SNCAIP: variants seen among roughly 807,000 people sequenced by gnomAD.
SNCAIP encodes the protein synphilin-1.
A neutral mutation model predicts 86.7 loss-of-function variants in SNCAIP; 43 were observed. The ratio of observed to expected loss-of-function variants is 0.50; its 90% CI spans 0.39 to 0.64. The LOEUF is 0.64. Ranked by LOEUF, SNCAIP falls within the 30% of genes least tolerant of loss-of-function variation. The pLI is 0.00. For synonymous variants in SNCAIP, 417 were observed against 427.2 expected (o/e 0.98, Z 0.29); for missense variants, 981 against 1,103.1 (o/e 0.89, Z 1.57).
chr5:122,362,312 C>G (rs1382516097), intron 1 of SNCAIP, among the ~76,000 whole-genome samples: 1 of 152,128 alleles, frequency 6.6e-6, no homozygotes, highest in Non-Finnish European at 1.5e-5. Flanking sequence ...TTTCATAAGA[C>G]TGTGAGATGA....
At chr5:122,462,592 T>C (rs979734) in intron 10 of SNCAIP, among the ~76,000 whole-genome samples, 16,470 of 152,256 alleles carry the variant, frequency 0.11, 1,052 homozygotes, top group Non-Finnish European at 0.14. Flanking sequence ...CAGATGATGA[T>C]GATGATGATC....
Position 122,431,789 on chromosome 5 carries a change from G to A in SNCAIP, c.1183-180G>A, listed in dbSNP as rs191239445. Among the ~76,000 whole-genome samples the A allele has an allele frequency of 2.8e-3, 431 of 151,968 alleles. 1 individual carries two copies. The highest frequency in any genetic ancestry group is 9.7e-3 in the African/African-American group (400 of 41,446). The stretch of plus-strand genomic sequence containing the variant: ...AAATAAAAATTCTGCAATTGATTTC[G>A]AGCCAAATCCACAGATCAGGAATAT... On this transcript the variant is annotated intron_variant, in intron 5 of 10. Transcript: ENST00000261368.
rs772667029 is a variant in SNCAIP, at chr5:122,451,128, T to A, written c.2281T>A (p.Ser761Thr). 3.1e-5 allele frequency: 50 copies of A among 1,613,944 alleles called. No homozygotes were observed. Among genetic ancestry groups the A allele is most frequent in the Non-Finnish European group, 3.9e-5 (46 of 1,180,008 alleles). The change falls in exon 10 of 11, where the codon TCC becomes ACC. Residue 761 changes from serine to threonine, a missense_variant. Coordinates refer to ENST00000261368, the MANE Select transcript of SNCAIP (RefSeq NM_005460.4). ...TSESSEPDLE[S>T]QYPGSGSIPP... ...AGAGAGCAGCGAACCAGACTTAGAA[T>A]CCCAGTATCCAGGCTCAGGGAGTAT...
chr5:122,457,551 A>G (rs190448617), intron 10 of SNCAIP, among the ~76,000 whole-genome samples: 25 of 151,760 alleles, frequency 1.6e-4, no homozygotes, highest in Admixed American at 1.5e-3. Flanking sequence ...CTCCCCACCA[A>G]TGCTTCCCCA....
chr5:122,422,619 G>A (rs1391371957), intron 3 of SNCAIP, among the ~76,000 whole-genome samples: 3 of 152,084 alleles, frequency 2.0e-5, no homozygotes, highest in Non-Finnish European at 2.9e-5. Flanking sequence ...TGCTTCCTTA[G>A]CCATTTACCT....
chr5:122,457,509 C>G (rs1465574332), intron 10 of SNCAIP, among the ~76,000 whole-genome samples: 1 of 152,128 alleles, frequency 6.6e-6, no homozygotes, highest in Non-Finnish European at 1.5e-5. Flanking sequence ...TCTGTGCTCT[C>G]CCACAGTGTA....
intron 3 of SNCAIP, among the ~76,000 whole-genome samples, chr5:122,412,360 G>A (rs749910443): frequency 2.6e-5 from 4 of 152,182 alleles, no homozygotes; most frequent in African/African-American, 7.2e-5. Flanking sequence ...GGAAGGTCAC[G>A]GCTTCCATGC....
At chr5:122,359,864 A>C (rs10428632) in intron 1 of SNCAIP, among the ~76,000 whole-genome samples, 1 of 152,112 alleles carries the variant, frequency 6.6e-6, no homozygotes, top group Non-Finnish European at 1.5e-5. Context: ...CGAATGATAG[A>C]CAGCTAATGA....
chr5:122,423,274 C>T lies in SNCAIP; in HGVS notation c.537C>T (p.Gly179=), dbSNP rs1360409486. The part of the protein sequence containing the change: ...TKVTSEKRIL[G]LCTTINGLSG... Reference sequence around the variant, plus strand: ...TGACTTCAGAAAAAAGAATTTTGGGCTTATGCACAACCATCAATGGCCTTT... The same window carrying T: ...TGACTTCAGAAAAAAGAATTTTGGGTTTATGCACAACCATCAATGGCCTTT... The change falls in exon 4 of 11, where the codon GGC becomes GGT. Residue 179 remains glycine (G), a synonymous_variant. Transcript: ENST00000261368. The T allele has an allele frequency of 5.0e-6, 8 of 1,614,182 alleles. No homozygotes were observed. Among genetic ancestry groups the T allele is most frequent in the East Asian group, 2.2e-5 (1 of 44,886 alleles).
chr5:122,356,908 C>T (rs562364079), intron 1 of SNCAIP, among the ~76,000 whole-genome samples: 1 of 152,296 alleles, frequency 6.6e-6, no homozygotes, highest in African/African-American at 2.4e-5. Context: ...TACCTAGCTC[C>T]TGTCTGACCT....
chr5:122,321,128 A>G (rs1437866666), intron 1 of SNCAIP, among the ~76,000 whole-genome samples: 1 of 152,206 alleles, frequency 6.6e-6, no homozygotes, highest in Non-Finnish European at 1.5e-5. Flanking sequence ...AGGCAATTTC[A>G]TATTTTATAG....
intron 1 of SNCAIP, among the ~76,000 whole-genome samples, chr5:122,334,000 T>G (rs1755907846): frequency 6.6e-6 from 1 of 152,076 alleles, no homozygotes. Context: ...GAGATCAGCA[T>G]AGAAGACTGA....
intron 1 of SNCAIP, among the ~76,000 whole-genome samples, chr5:122,372,844 ATCCTTACT>A (rs1426436359): frequency 6.6e-6 from 1 of 151,052 alleles, no homozygotes. Flanking sequence ...CTTTATAACC[ATCCTTACT>A]TCCTTCAGAA....
rs550678052 is a variant in SNCAIP, at chr5:122,406,556, T to C, written c.130+2691T>C. 2.0e-5 allele frequency among the ~76,000 whole-genome samples: 3 copies of C among 152,292 alleles called. No individual in the cohort carries two copies. In the East Asian group the frequency reaches 5.8e-4, roughly 29 times the overall value. The stretch of plus-strand genomic sequence containing the variant: ...GAGGTGACTGGATCATGAGGGTGGA[T>C]TTCTCATGAATGGTTTAGCGCCATC... On this transcript the variant is annotated intron_variant, in intron 3 of 10. Transcript: ENST00000261368.
At chr5:122,459,998 A>G (rs1287423221) in intron 10 of SNCAIP, among the ~76,000 whole-genome samples, 1 of 152,230 alleles carries the variant, frequency 6.6e-6, no homozygotes, top group African/African-American at 2.4e-5. Flanking sequence ...GCATTCTACT[A>G]TAGAAAATCA....
At chr5:122,352,869 G>A (rs1760163048) in intron 1 of SNCAIP, among the ~76,000 whole-genome samples, 2 of 152,148 alleles carry the variant, frequency 1.3e-5, no homozygotes, top group South Asian at 4.1e-4. Context: ...ATAAAAAAGA[G>A]AAGAAGCGAG....
At chr5:122,436,327 A>G (rs912406106) in intron 6 of SNCAIP, among the ~76,000 whole-genome samples, 1 of 152,130 alleles carries the variant, frequency 6.6e-6, no homozygotes, top group Non-Finnish European at 1.5e-5. Flanking sequence ...GAGAAAAGCC[A>G]CATTGCCCAA....
chr5:122,336,117 T>G (rs987850222), intron 1 of SNCAIP, among the ~76,000 whole-genome samples: 1 of 152,044 alleles, frequency 6.6e-6, no homozygotes, highest in African/African-American at 2.4e-5. Flanking sequence ...CCAAAAGAAA[T>G]TATTTAAATA....
At chr5:122,406,426 C>T (rs1458147282) in intron 3 of SNCAIP, among the ~76,000 whole-genome samples, 2 of 152,174 alleles carry the variant, frequency 1.3e-5, no homozygotes, top group Admixed American at 1.3e-4. Flanking sequence ...GAAACTTCCT[C>T]AACCGTCTGT....
Sources: allele counts gnomAD v4.1 joint callset (sites outside exome capture counted in the v4.1 genomes callset), GRCh38; gene constraint gnomAD v4.1.1; transcripts MANE v1.5; gene names NCBI Gene and HGNC (gene_info 2026-07-23, HGNC 2026-07-21).